MEIS2: variants seen among roughly 807,000 people sequenced by gnomAD.
The protein encoded by MEIS2 is homeobox protein Meis2.
In MEIS2, 9 loss-of-function variants were observed where a neutral mutation model predicts 58.6. The ratio of observed to expected loss-of-function variants is 0.15; its 90% CI spans 0.09 to 0.27. The LOEUF (loss-of-function observed/expected upper bound fraction) is 0.27. Among genes scored for constraint, MEIS2 ranks in the 10% least tolerant of loss-of-function variants. The pLI is 1.00. For missense variants in MEIS2, 427 were observed against 635.0 expected, an observed-to-expected ratio of 0.67 and a Z score of 3.52; for synonymous variants, 221 against 228.4, an observed-to-expected ratio of 0.97 and a Z score of 0.29.
At chr15:37,072,582 T>C (rs943750070) in intron 7 of MEIS2, among the ~76,000 whole-genome samples, 3 of 152,148 alleles carry the variant, frequency 2.0e-5, no homozygotes, top group African/African-American at 4.8e-5. Flanking sequence ...ATCACACTTA[T>C]GCGCCTTCGC....
intron 8 of MEIS2, among the ~76,000 whole-genome samples, chr15:37,027,624 C>T (rs1015401535): frequency 2.6e-5 from 4 of 152,142 alleles, no homozygotes; most frequent in Non-Finnish European, 5.9e-5. Flanking sequence ...AATTCTTTAA[C>T]ATATTTTTAA....
intron 8 of MEIS2, among the ~76,000 whole-genome samples, chr15:37,004,536 T>C (rs1325580188): frequency 6.6e-6 from 1 of 152,256 alleles, no homozygotes; most frequent in Non-Finnish European, 1.5e-5. Flanking sequence ...CAATAGATGA[T>C]TCTGTTACAC....
chr15:36,890,292 ATTGT>A lies in MEIS2; in HGVS notation c.*1877_*1880del, dbSNP rs2055798304. ...ACCCTTTTTGCACACTTTAGCAGAC[ATTGT>A]TTGTGCAGTATCAATAAGCTAATGG... On this transcript the variant is annotated 3_prime_UTR_variant, in exon 12 of 12. Coordinates refer to ENST00000561208, the MANE Select transcript of MEIS2 (RefSeq NM_170675.5). 1 of 152,330 alleles carries A rather than the reference ATTGT, an allele frequency of 6.6e-6. No individual in the cohort carries two copies. The highest frequency in any genetic ancestry group is 1.5e-5 in the Non-Finnish European group (1 of 68,022). The allele number at this position is 152,330 out of a possible 1,614,324, so 9.4% of individuals were successfully genotyped here.
intron 8 of MEIS2, among the ~76,000 whole-genome samples, chr15:37,009,790 A>T (rs1022499496): frequency 2.0e-5 from 3 of 152,216 alleles, no homozygotes; most frequent in Non-Finnish European, 2.9e-5. Context: ...AGGGTCTGAA[A>T]AAAATTGATT....
chr15:37,072,137 T>C (rs1431287034), intron 7 of MEIS2, among the ~76,000 whole-genome samples: 2 of 152,124 alleles, frequency 1.3e-5, no homozygotes, highest in Non-Finnish European at 2.9e-5. Context: ...ATATTCTATA[T>C]GGAGTCTTCT....
At chr15:37,025,344 C>T (rs11857187) in intron 8 of MEIS2, among the ~76,000 whole-genome samples, 20,443 of 152,102 alleles carry the variant, frequency 0.13, 1,581 homozygotes, top group East Asian at 0.37. Flanking sequence ...TCAAAATAAT[C>T]CAGGGAGCAA....
intron 9 of MEIS2, 116 bp downstream of exon 9, chr15:36,950,208 G>T: frequency 3.3e-6 from 3 of 902,602 alleles, no homozygotes; most frequent in South Asian, 1.7e-5. Context: ...TAGAAACACA[G>T]AAGTTATCCT....
chr15:37,042,874 C>T (rs1290061871), intron 7 of MEIS2, among the ~76,000 whole-genome samples: 1 of 152,148 alleles, frequency 6.6e-6, no homozygotes, highest in African/African-American at 2.4e-5. Context: ...CCCTCAGAGT[C>T]CAGAGATGCT....
At chr15:36,894,956 T>C (rs1462356716) in intron 11 of MEIS2, 195 bp downstream of exon 11, 4 of 898,158 alleles carry the variant, frequency 4.5e-6, no homozygotes. Context: ...GGGCAGAGTA[T>C]AATGGTACTG....
At chr15:36,991,783 CTTTTT>C (rs11285545) in intron 8 of MEIS2, among the ~76,000 whole-genome samples, 5 of 51,036 alleles carry the variant, frequency 9.8e-5, no homozygotes, top group Admixed American at 5.5e-4. Flanking sequence ...TTTTTTTTTT[CTTTTT>C]TTTTTTTTTT....
intron 9 of MEIS2, among the ~76,000 whole-genome samples, chr15:36,912,311 T>C (rs976902115): frequency 6.6e-6 from 1 of 152,200 alleles, no homozygotes; most frequent in African/African-American, 2.4e-5. Context: ...TTTTCCTATC[T>C]CTTATCTACT....
intron 7 of MEIS2, among the ~76,000 whole-genome samples, chr15:37,069,849 C>A (rs1890455058): frequency 6.6e-6 from 1 of 152,022 alleles, no homozygotes; most frequent in Non-Finnish European, 1.5e-5. Context: ...AGCTGTTTCC[C>A]AGAAATTTCC....
chr15:36,975,418 T>C (rs571571876), intron 8 of MEIS2, among the ~76,000 whole-genome samples: 102 of 152,088 alleles, frequency 6.7e-4, no homozygotes, highest in African/African-American at 2.3e-3. Context: ...TTATTCATAG[T>C]AGAATCATGA....
intron 9 of MEIS2, among the ~76,000 whole-genome samples, chr15:36,926,471 C>G (rs72708683): frequency 0.016 from 2,396 of 152,202 alleles, 32 homozygotes; most frequent in Middle Eastern, 0.027. Flanking sequence ...TAATAAAATA[C>G]GTCTGCATTA....
At chr15:37,028,533 A>C (rs1392195903) in intron 8 of MEIS2, among the ~76,000 whole-genome samples, 2 of 152,232 alleles carry the variant, frequency 1.3e-5, no homozygotes, top group Admixed American at 6.5e-5. Context: ...CACGACATTA[A>C]ATTTTTGGCC....
chr15:36,909,257 A>T (rs543004934), intron 9 of MEIS2, among the ~76,000 whole-genome samples: 1 of 152,074 alleles, frequency 6.6e-6, no homozygotes, highest in Admixed American at 6.6e-5. Flanking sequence ...TGCCCAACAC[A>T]GTACTTATTC....
intron 6 of MEIS2, among the ~76,000 whole-genome samples, chr15:37,088,334 A>G (rs1275636335): frequency 6.6e-6 from 1 of 152,212 alleles, no homozygotes; most frequent in Non-Finnish European, 1.5e-5. Context: ...TGAAGCATGT[A>G]CAACTAATTT....
At chr15:36,902,344 G>A (rs532594168) in intron 9 of MEIS2, among the ~76,000 whole-genome samples, 3 of 152,296 alleles carry the variant, frequency 2.0e-5, no homozygotes, top group South Asian at 2.1e-4. Flanking sequence ...TCTAAAAATC[G>A]GAGTTTAATC....
At chr15:37,079,013 G>T (rs56922191) in intron 7 of MEIS2, among the ~76,000 whole-genome samples, 1 of 151,986 alleles carries the variant, frequency 6.6e-6, no homozygotes, top group Non-Finnish European at 1.5e-5. Flanking sequence ...TTTATTAGAA[G>T]AATTTAATTT....
Sources: allele counts gnomAD v4.1 joint callset (sites outside exome capture counted in the v4.1 genomes callset), GRCh38; gene constraint gnomAD v4.1.1; transcripts MANE v1.5; gene names NCBI Gene and HGNC (gene_info 2026-07-23, HGNC 2026-07-21).